The following KHDRBS2 variants were observed in gnomAD, a reference collection of about 807,000 sequenced individuals.
KHDRBS2 encodes the protein KH RNA binding domain containing, signal transduction associated 2, also known as KH domain-containing, RNA-binding, signal transduction-associated protein 2.
Under a neutral mutation model 44.3 loss-of-function variants are expected in KHDRBS2, and 26 were observed. The ratio of observed to expected loss-of-function variants is 0.59; its 90% confidence interval spans 0.43 to 0.81. KHDRBS2 has a LOEUF of 0.81. Ranked by LOEUF, KHDRBS2 falls within the 40% of genes least tolerant of loss-of-function variation. KHDRBS2 has a pLI of 0.00. For missense variants in KHDRBS2, 476 were observed against 433.1 expected (o/e 1.10, Z -0.88); for synonymous variants, 194 against 151.1 (o/e 1.28, Z -2.08).
At chr6:62,222,507 C>T (rs1831070051) in intron 1 of KHDRBS2, among the ~76,000 whole-genome samples, 1 of 152,096 alleles carries the variant, frequency 6.6e-6, no homozygotes. Flanking sequence ...CATGAGAACA[C>T]TATGATGGGA....
chr6:62,205,383 T>C (rs542458785), intron 1 of KHDRBS2, among the ~76,000 whole-genome samples: 2 of 152,294 alleles, frequency 1.3e-5, no homozygotes, highest in Middle Eastern at 3.4e-3. Flanking sequence ...TATTTGAATC[T>C]AGCCTTACTC....
intron 6 of KHDRBS2, among the ~76,000 whole-genome samples, chr6:61,795,690 TATA>T (rs1300565012): frequency 6.6e-6 from 1 of 152,144 alleles, no homozygotes; most frequent in African/African-American, 2.4e-5. Flanking sequence ...CAATGCAACT[TATA>T]ATTTGTTCTT....
intron 2 of KHDRBS2, among the ~76,000 whole-genome samples, chr6:62,061,712 C>A (rs563972475): frequency 2.0e-5 from 3 of 150,602 alleles, no homozygotes; most frequent in South Asian, 4.2e-4. Context: ...TGAATCTGAA[C>A]GTTGGCCTGC....
At chr6:61,724,171 T>C (rs1387144517) in intron 7 of KHDRBS2, among the ~76,000 whole-genome samples, 1 of 152,134 alleles carries the variant, frequency 6.6e-6, no homozygotes, top group Non-Finnish European at 1.5e-5. Flanking sequence ...TCAATATTGT[T>C]AAAGAAAAGA....
chr6:61,862,175 T>C (rs948128648), intron 6 of KHDRBS2, among the ~76,000 whole-genome samples: 5 of 152,278 alleles, frequency 3.3e-5, no homozygotes, highest in African/African-American at 1.2e-4. Flanking sequence ...AGGTAGTTTG[T>C]AAGCAAAGAT....
chr6:61,973,947 G>T (rs1420850434), intron 4 of KHDRBS2, among the ~76,000 whole-genome samples: 2 of 152,096 alleles, frequency 1.3e-5, no homozygotes, highest in Non-Finnish European at 2.9e-5. Flanking sequence ...CAATCTATTT[G>T]TTATCCATGA....
At chr6:62,201,052 A>G (rs938494687) in intron 1 of KHDRBS2, among the ~76,000 whole-genome samples, 2 of 152,154 alleles carry the variant, frequency 1.3e-5, no homozygotes, top group African/African-American at 2.4e-5. Context: ...ACATGGACAC[A>G]GGAAGGGGAG....
intron 7 of KHDRBS2, among the ~76,000 whole-genome samples, chr6:61,712,995 T>C (rs1220909871): frequency 6.6e-6 from 1 of 151,616 alleles, no homozygotes; most frequent in Non-Finnish European, 1.5e-5. Context: ...AATTCTGACC[T>C]AAAGTGATAA....
At chr6:61,568,013 G>A in the KHDRBS2 span, among the ~76,000 whole-genome samples, 2 of 152,046 alleles carry the variant, frequency 1.3e-5, no homozygotes, top group African/African-American at 2.4e-5. Context: ...GTTAATTTTT[G>A]TATATATAGA....
intron 2 of KHDRBS2, among the ~76,000 whole-genome samples, chr6:62,061,365 C>T (rs993479953): frequency 3.3e-5 from 5 of 151,262 alleles, no homozygotes; most frequent in South Asian, 2.1e-4. Context: ...TTAGGGCAGG[C>T]CTGGTGGTGA....
chr6:62,188,038 G>A (rs1269704577), intron 1 of KHDRBS2, among the ~76,000 whole-genome samples: 1 of 151,894 alleles, frequency 6.6e-6, no homozygotes, highest in East Asian at 2.0e-4. Flanking sequence ...AGAGAGAGAG[G>A]AGGAGGGACC....
At chr6:62,200,816 C>A (rs879560817) in intron 1 of KHDRBS2, among the ~76,000 whole-genome samples, 4 of 152,102 alleles carry the variant, frequency 2.6e-5, no homozygotes, top group Non-Finnish European at 1.5e-5. Context: ...CTCACAATAG[C>A]AAAGACTTGG....
chr6:61,672,593 C>G, the KHDRBS2 span, among the ~76,000 whole-genome samples: 1 of 151,722 alleles, frequency 6.6e-6, no homozygotes, highest in Non-Finnish European at 1.5e-5. Context: ...TCTCTGATGG[C>G]CAGTGATGGT....
intron 6 of KHDRBS2, among the ~76,000 whole-genome samples, chr6:61,784,112 T>A (rs931186211): frequency 6.6e-6 from 1 of 151,956 alleles, no homozygotes; most frequent in African/African-American, 2.4e-5. Context: ...TTTTTTAAAA[T>A]AGTTTTCCAA....
chr6:61,939,302 C>T (rs1298574206), intron 4 of KHDRBS2, among the ~76,000 whole-genome samples: 1 of 152,240 alleles, frequency 6.6e-6, no homozygotes, highest in Admixed American at 6.5e-5. Flanking sequence ...AAACAATCCA[C>T]TGTAACCTGC....
intron 6 of KHDRBS2, among the ~76,000 whole-genome samples, chr6:61,845,309 G>T (rs370951257): frequency 0.013 from 1,638 of 125,750 alleles, 16 homozygotes; most frequent in Middle Eastern, 0.093. Flanking sequence ...ACAGTTCCTT[G>T]TTTTTTTTTT....
intron 4 of KHDRBS2, among the ~76,000 whole-genome samples, chr6:61,956,018 C>A (rs1450794197): frequency 2.0e-5 from 3 of 151,958 alleles, no homozygotes; most frequent in Admixed American, 1.3e-4. Flanking sequence ...CATGGTGAAA[C>A]CCCATCTCTA....
intron 6 of KHDRBS2, among the ~76,000 whole-genome samples, chr6:61,874,437 C>T (rs1799109675): frequency 1.3e-5 from 2 of 151,898 alleles, no homozygotes; most frequent in African/African-American, 2.4e-5. Flanking sequence ...TTGTTTAGCC[C>T]CCTCCTTTCT....
rs1043157772 is a variant in KHDRBS2, at chr6:61,892,580, T to C, written c.810+2055A>G. Among the ~76,000 whole-genome samples, 7 of 151,442 alleles carry C rather than the reference T, an allele frequency of 4.6e-5. No homozygotes were observed. The East Asian group carries it at 5.8e-4, about 13-fold the overall frequency. ...TACAGACCAATGGAACAGAACAGAG[T>C]CCTAAGAAATAATGCCACATATCTA... On this transcript the variant is annotated intron_variant, in intron 6 of 8. Coordinates refer to ENST00000281156, the MANE Select transcript of KHDRBS2 (RefSeq NM_152688.4).
Sources: gnomAD v4.1 joint callset for allele counts (sites outside exome capture counted in the v4.1 genomes callset) on GRCh38, gnomAD v4.1.1 for gene constraint, MANE v1.5 for transcripts, NCBI Gene and HGNC (gene_info 2026-07-23, HGNC 2026-07-21) for gene names.